Variants in CSMD3 observed in about 807,000 individuals in gnomAD.
The protein encoded by CSMD3 is CUB and Sushi multiple domains 3.
Under a neutral mutation model 435.2 loss-of-function variants are expected in CSMD3, and 177 were observed. That is an observed-to-expected ratio of 0.41 (90% CI 0.36 to 0.46). CSMD3 has a LOEUF of 0.46. CSMD3 is among the 20% of genes least tolerant of loss of function. The probability of loss-of-function intolerance (pLI) is 0.34; values close to 1 mark genes in which losing one functional copy is unlikely to be tolerated. For missense variants in CSMD3, 4,265 were observed against 4,504.6 expected (o/e 0.95, Z 1.52); for synonymous variants, 1,656 against 1,520.5 (o/e 1.09, Z -2.07).
intron 6 of CSMD3, among the ~76,000 whole-genome samples, chr8:113,013,057 T>C (rs927510496): frequency 4.6e-5 from 7 of 152,032 alleles, no homozygotes; most frequent in Admixed American, 3.9e-4. Flanking sequence ...AAAGCAAAGA[T>C]TAGAATACCA....
chr8:112,263,565 C>T, intron 61 of CSMD3, 74 bp downstream of exon 61: 2 of 1,241,114 alleles, frequency 1.6e-6, no homozygotes, highest in East Asian at 2.5e-5. Context: ...TTGAAGGAAG[C>T]TTAACAATCT....
intron 63 of CSMD3, among the ~76,000 whole-genome samples, chr8:112,249,144 G>GT (rs777767521): frequency 6.6e-6 from 1 of 152,038 alleles, no homozygotes; most frequent in Non-Finnish European, 1.5e-5. Flanking sequence ...CCTTCTTAAG[G>GT]TTAGAACCCA....
chr8:113,338,900 A>G (rs2094097317), intron 1 of CSMD3, among the ~76,000 whole-genome samples: 1 of 151,960 alleles, frequency 6.6e-6, no homozygotes, highest in African/African-American at 2.4e-5. Flanking sequence ...TATTCTCTAA[A>G]ATATGACTTA....
chr8:113,087,198 A>G (rs1163262065), intron 5 of CSMD3, among the ~76,000 whole-genome samples: 1 of 152,188 alleles, frequency 6.6e-6, no homozygotes, highest in Non-Finnish European at 1.5e-5. Flanking sequence ...GGAAAGTGGC[A>G]TCTTTTTTAT....
intron 28 of CSMD3, among the ~76,000 whole-genome samples, chr8:112,516,129 T>G (rs1023883174): frequency 3.9e-5 from 6 of 152,088 alleles, no homozygotes; most frequent in Admixed American, 3.9e-4. Flanking sequence ...ATGGGTTAGG[T>G]GTAAGTGAAC....
intron 3 of CSMD3, among the ~76,000 whole-genome samples, chr8:113,274,474 T>C (rs568663257): frequency 1.3e-5 from 2 of 152,180 alleles, no homozygotes; most frequent in East Asian, 3.9e-4. Context: ...AGTAAGCATT[T>C]AAGTACTTTC....
chr8:113,258,828 T>A (rs1396597745), intron 3 of CSMD3, among the ~76,000 whole-genome samples: 1 of 152,092 alleles, frequency 6.6e-6, no homozygotes, highest in African/African-American at 2.4e-5. Context: ...GTAGTCTAGT[T>A]TGGTCCAGGG....
At chr8:112,691,266 T>C (rs1284631934) in intron 13 of CSMD3, among the ~76,000 whole-genome samples, 3 of 152,178 alleles carry the variant, frequency 2.0e-5, no homozygotes, top group Non-Finnish European at 4.4e-5. Flanking sequence ...TTTGATTTTA[T>C]ATTTTCTTAG....
At chr8:112,572,291 A>C (rs1409576518) in intron 24 of CSMD3, among the ~76,000 whole-genome samples, 1 of 152,144 alleles carries the variant, frequency 6.6e-6, no homozygotes, top group Non-Finnish European at 1.5e-5. Context: ...ATATGTATTC[A>C]GCATTCATTT....
intron 5 of CSMD3, among the ~76,000 whole-genome samples, chr8:113,057,166 T>C (rs2088378125): frequency 6.6e-6 from 1 of 152,170 alleles, no homozygotes; most frequent in African/African-American, 2.4e-5. Context: ...AGGCCCTCCC[T>C]ACTGCAGTTC....
chr8:112,648,708 C>G (rs6469429), intron 19 of CSMD3, among the ~76,000 whole-genome samples: 1 of 152,010 alleles, frequency 6.6e-6, no homozygotes, highest in Non-Finnish European at 1.5e-5. Context: ...CGTGTTGATG[C>G]GCTTGCCATT....
chr8:112,598,842 T>C (rs929523622), intron 22 of CSMD3, among the ~76,000 whole-genome samples: 17 of 152,194 alleles, frequency 1.1e-4, no homozygotes, highest in African/African-American at 3.1e-4. Flanking sequence ...TAGGATCCCC[T>C]CCTTACACCT....
chr8:113,172,534 C>G (rs1458485509), intron 4 of CSMD3, among the ~76,000 whole-genome samples: 2 of 152,126 alleles, frequency 1.3e-5, no homozygotes, highest in African/African-American at 4.8e-5. Context: ...TGTAGCTTAT[C>G]TTATTTAATC....
Position 112,689,887 on chromosome 8 carries a change from T to C in CSMD3, c.2136A>G (p.Ala712=). 6.2e-7 allele frequency: 1 copy of C among 1,613,270 alleles called. No homozygotes were observed. The highest frequency in any genetic ancestry group is 1.1e-5 in the South Asian group (1 of 91,076). The change falls in exon 14 of 71, where the codon GCA becomes GCG. Residue 712 remains alanine, a synonymous_variant. Transcript: ENST00000297405. Reference sequence around the variant, plus strand: ...ACTCACAGATACAGATGGGTATGTTTGCAGACCATTGGTTATTCTCTTGAC... The same window carrying C: ...ACTCACAGATACAGATGGGTATGTTCGCAGACCATTGGTTATTCTCTTGAC... ...IVCQENNQWS[A]NIPICIFPCL...
At chr8:113,375,699 T>C (rs1210038025) in intron 1 of CSMD3, among the ~76,000 whole-genome samples, 2 of 152,140 alleles carry the variant, frequency 1.3e-5, no homozygotes, top group African/African-American at 2.4e-5. Flanking sequence ...CAATTAGTAT[T>C]AGCGGGATTT....
At chr8:112,495,857 G>A (rs1031513703) in intron 30 of CSMD3, among the ~76,000 whole-genome samples, 6 of 151,454 alleles carry the variant, frequency 4.0e-5, no homozygotes, top group Non-Finnish European at 7.4e-5. Flanking sequence ...ATTTTAGATC[G>A]CTGCATCTAA....
At chr8:113,297,690 A>T (rs2127059) in intron 2 of CSMD3, among the ~76,000 whole-genome samples, 4,190 of 152,166 alleles carry the variant, frequency 0.028, 78 homozygotes, top group Non-Finnish European at 0.043. Context: ...AACCAAAAAG[A>T]TTCATAGTCT....
chr8:113,396,180 A>G (rs2094482766), intron 1 of CSMD3, among the ~76,000 whole-genome samples: 1 of 152,198 alleles, frequency 6.6e-6, no homozygotes, highest in Admixed American at 6.5e-5. Context: ...CAGATTTTGT[A>G]GCAAAATATG....
chr8:113,119,533 G>C (rs1435096822), intron 4 of CSMD3, among the ~76,000 whole-genome samples: 1 of 152,060 alleles, frequency 6.6e-6, no homozygotes, highest in Admixed American at 6.6e-5. Context: ...AGTGAAGAAA[G>C]TTAAGAATGG....
Sources: gnomAD v4.1 joint callset for allele counts (sites outside exome capture counted in the v4.1 genomes callset) on GRCh38, gnomAD v4.1.1 for gene constraint, MANE v1.5 for transcripts, NCBI Gene and HGNC (gene_info 2026-07-23, HGNC 2026-07-21) for gene names.